Variants in TCAIM observed in about 807,000 individuals in gnomAD.
TCAIM encodes the protein T cell activation inhibitor, mitochondrial.
A neutral mutation model predicts 58.6 loss-of-function variants in TCAIM; 36 were observed. The observed-to-expected ratio is 0.61, with a 90% CI of 0.47 to 0.81. The LOEUF (loss-of-function observed/expected upper bound fraction) is 0.81, where lower values mean the gene tolerates loss of function less well. Ranked by LOEUF, TCAIM falls within the 30% of genes least tolerant of loss-of-function variation. The pLI, the probability that TCAIM is intolerant of heterozygous loss-of-function variation, is 0.00. For synonymous variants in TCAIM, 172 were observed against 193.6 expected (o/e 0.89, Z 0.93); for missense variants, 466 against 579.6 (o/e 0.80, Z 2.01).
chr3:44,367,865 A>T, intron 5 of TCAIM, 157 bp downstream of exon 5: 2 of 633,158 alleles, frequency 3.2e-6, no homozygotes, highest in Non-Finnish European at 5.0e-6. Context: ...CTATCAGTCT[A>T]GTTAATCCAG....
At chr3:44,371,506 C>T (rs1701469093) in intron 5 of TCAIM, among the ~76,000 whole-genome samples, 1 of 152,122 alleles carries the variant, frequency 6.6e-6, no homozygotes, top group Non-Finnish European at 1.5e-5. Flanking sequence ...CTACACTGAA[C>T]CAAGACAAGA....
At position 44,407,726 on chromosome 3, in the gene TCAIM, TAAATTA is replaced by T; in HGVS notation, c.*48_*53del. The T allele has an allele frequency of 6.7e-7, 1 of 1,501,392 alleles. No individual in the cohort carries two copies. 93.0% of individuals were successfully genotyped at this position (1,501,392 alleles called of 1,614,324 possible). On this transcript the variant is annotated 3_prime_UTR_variant, in exon 11 of 11. Transcript: ENST00000342649. ...TTTTTTAAGAGATAAGAAAGGAACT[TAAATTA>T]AAAATATTTAAATCCACAATTTGAT... is the stretch of plus-strand genomic sequence containing the variant.
chr3:44,358,562 A>G, intron 3 of TCAIM: 1 of 310,166 alleles, frequency 3.2e-6, no homozygotes, highest in Non-Finnish European at 5.6e-6. Flanking sequence ...CTTACATTAT[A>G]TTAGATATTA....
intron 5 of TCAIM, among the ~76,000 whole-genome samples, chr3:44,379,931 A>T (rs1701629119): frequency 6.6e-6 from 1 of 152,148 alleles, no homozygotes; most frequent in African/African-American, 2.4e-5. Context: ...AGGAACAATA[A>T]CTATCAGGTA....
chr3:44,400,504 T>A lies in TCAIM; in HGVS notation c.1035T>A (p.Leu345=). 6.2e-7 allele frequency: 1 copy of A among 1,613,798 alleles called. No individual in the cohort carries two copies. Among genetic ancestry groups the A allele is most frequent in the South Asian group, 1.1e-5 (1 of 91,072 alleles). The part of the protein sequence containing the change: ...VLTLEEYYSL[L]DVFYNRLLKS... ...CACTTGAAGAATATTACTCTCTTCT[T>A]GATGTGTTTTATAATAGACTGTTGA... Residue 345 remains leucine, a synonymous_variant, in exon 9 of 11, where the codon CTT becomes CTA. Coordinates refer to ENST00000342649, the MANE Select transcript of TCAIM (RefSeq NM_173826.4).
chr3:44,368,074 C>T (rs1324236467), intron 5 of TCAIM, among the ~76,000 whole-genome samples: 1 of 152,146 alleles, frequency 6.6e-6, no homozygotes, highest in African/African-American at 2.4e-5. Flanking sequence ...TTTTACTCTT[C>T]TTCATGTGTT....
intron 4 of TCAIM, among the ~76,000 whole-genome samples, 172 bp downstream of exon 4, chr3:44,361,690 C>A (rs1404791110): frequency 6.6e-6 from 1 of 152,154 alleles, no homozygotes; most frequent in Non-Finnish European, 1.5e-5. Flanking sequence ...TATGTTCGAA[C>A]AAGTGATTTT....
chr3:44,355,890 G>A (rs1404173207), intron 2 of TCAIM, among the ~76,000 whole-genome samples: 2 of 152,326 alleles, frequency 1.3e-5, no homozygotes, highest in African/African-American at 2.4e-5. Flanking sequence ...TATGTCAGAC[G>A]TTGGGAAATG....
chr3:44,355,846 G>A (rs1434047033), intron 2 of TCAIM, among the ~76,000 whole-genome samples: 4 of 152,168 alleles, frequency 2.6e-5, no homozygotes, highest in South Asian at 2.1e-4. Context: ...TTTTAGATAT[G>A]TAAAATTTGA....
chr3:44,347,550 T>C (rs1575235425), intron 1 of TCAIM, among the ~76,000 whole-genome samples: 1 of 152,094 alleles, frequency 6.6e-6, no homozygotes, highest in South Asian at 2.1e-4. Flanking sequence ...GAGGGACGTA[T>C]TGAGGATAGG....
intron 4 of TCAIM, among the ~76,000 whole-genome samples, chr3:44,367,031 C>G (rs1208683104): frequency 6.6e-6 from 1 of 152,044 alleles, no homozygotes; most frequent in African/African-American, 2.4e-5. Context: ...TTATATGGCC[C>G]CTCTTACCTG....
intron 10 of TCAIM, 90 bp from the exon 11 acceptor site, chr3:44,407,352 C>A: frequency 1.8e-6 from 2 of 1,106,508 alleles, no homozygotes; most frequent in Non-Finnish European, 2.5e-6. Flanking sequence ...AGGGCCCCAA[C>A]ATGTAAGAAT....
intron 1 of TCAIM, 26 bp from the exon 2 acceptor site, chr3:44,354,713 T>G: frequency 6.6e-7 from 1 of 1,509,976 alleles, no homozygotes; most frequent in Non-Finnish European, 9.0e-7. Context: ...TACTTGTTCA[T>G]TTGTGATATC....
At position 44,348,828 on chromosome 3, in the gene TCAIM, A is replaced by G. The variant is rs1701027433; in HGVS notation, c.-44-5911A>G. 2.0e-5 allele frequency among the ~76,000 whole-genome samples: 3 copies of G among 152,220 alleles called. No homozygotes were observed. In the South Asian group the frequency reaches 6.2e-4, roughly 32 times the overall value. ...GCCATGAACTGGGCTGGGTTTTTAT[A>G]TTTGATGAAAAAGCCTAAGTGCTAA... is the stretch of plus-strand genomic sequence containing the variant. On this transcript the variant is annotated intron_variant, in intron 1 of 10. Coordinates refer to ENST00000342649, the MANE Select transcript of TCAIM (RefSeq NM_173826.4).
intron 3 of TCAIM, chr3:44,358,078 A>G: frequency 7.3e-7 from 1 of 1,374,358 alleles, no homozygotes; most frequent in South Asian, 1.6e-5. Flanking sequence ...TGTGCAGGCA[A>G]TAAAGCTGTC....
At chr3:44,364,896 A>G (rs1454462304) in intron 4 of TCAIM, among the ~76,000 whole-genome samples, 1 of 152,196 alleles carries the variant, frequency 6.6e-6, no homozygotes, top group East Asian at 1.9e-4. Flanking sequence ...ATGGGTATAT[A>G]AATTAGTGCA....
intron 10 of TCAIM, among the ~76,000 whole-genome samples, chr3:44,403,682 A>G (rs1375007677): frequency 1.3e-5 from 2 of 152,164 alleles, no homozygotes; most frequent in Admixed American, 1.3e-4. Context: ...AAATAGGTCA[A>G]TTTGTGAATG....
intron 10 of TCAIM, among the ~76,000 whole-genome samples, chr3:44,402,920 G>A (rs916386959): frequency 6.6e-6 from 1 of 152,050 alleles, no homozygotes; most frequent in Non-Finnish European, 1.5e-5. Flanking sequence ...CCGCCTTACC[G>A]TTCATTTGAG....
chr3:44,355,673 TG>T (rs1296339983), intron 2 of TCAIM, among the ~76,000 whole-genome samples: 4 of 152,180 alleles, frequency 2.6e-5, no homozygotes, highest in South Asian at 2.1e-4. Flanking sequence ...TGATAGTGAA[TG>T]GGGGTAGTGA....
Sources: gnomAD v4.1 joint callset for allele counts (sites outside exome capture counted in the v4.1 genomes callset) on GRCh38, gnomAD v4.1.1 for gene constraint, MANE v1.5 for transcripts, NCBI Gene and HGNC (gene_info 2026-07-23, HGNC 2026-07-21) for gene names.